Variants in PJA2 observed in about 807,000 individuals in gnomAD.
PJA2 encodes the protein praja ring finger ubiquitin ligase 2, also known as E3 ubiquitin-protein ligase Praja-2.
A neutral mutation model predicts 69.3 loss-of-function variants in PJA2; 25 were observed. The observed-to-expected ratio is 0.36, with a 90% confidence interval of 0.26 to 0.50. The LOEUF (loss-of-function observed/expected upper bound fraction) is 0.50, where lower values mean the gene tolerates loss of function less well. Ranked by LOEUF, PJA2 falls within the 20% of genes least tolerant of loss-of-function variation. PJA2 has a pLI of 0.96. For synonymous variants in PJA2, 308 were observed against 277.8 expected (o/e 1.11, Z -1.08); for missense variants, 809 against 830.2 (o/e 0.97, Z 0.31).
At chr5:109,400,553 T>C (rs1747518860) in intron 1 of PJA2, among the ~76,000 whole-genome samples, 1 of 151,960 alleles carries the variant, frequency 6.6e-6, no homozygotes, top group Non-Finnish European at 1.5e-5. Context: ...GCTGTGAATT[T>C]TTCATACATT....
intron 1 of PJA2, among the ~76,000 whole-genome samples, chr5:109,392,771 C>T (rs566532536): frequency 7.3e-4 from 111 of 152,222 alleles, no homozygotes; most frequent in African/African-American, 2.6e-3. Flanking sequence ...GGACAAGATA[C>T]GTTTTTTCAC....
At chr5:109,405,744 G>A (rs1182441500) in intron 1 of PJA2, among the ~76,000 whole-genome samples, 1 of 152,076 alleles carries the variant, frequency 6.6e-6, no homozygotes, top group Admixed American at 6.5e-5. Context: ...ACCCAAAATG[G>A]ATAATGTGCC....
chr5:109,359,761 T>G (rs1375543091), intron 6 of PJA2, among the ~76,000 whole-genome samples: 1 of 152,198 alleles, frequency 6.6e-6, no homozygotes, highest in Non-Finnish European at 1.5e-5. Flanking sequence ...AAAAAATTTC[T>G]CTAACAGCAC....
rs557988241 is a variant in PJA2, at chr5:109,378,630, G to A, written c.857C>T (p.Ala286Val). 3.7e-6 allele frequency: 6 copies of A among 1,614,114 alleles called. No homozygotes were observed. The African/African-American group carries it at 8.0e-5, about 22-fold the overall frequency. The change falls in exon 4 of 10, where the codon GCA becomes GTA. Residue 286 changes from alanine (A) to valine (V), a missense_variant. Physicochemically the swap from Ala to Val is moderately conservative, Grantham distance 64 (BLOSUM62 0). Coordinates refer to ENST00000361189, the MANE Select transcript of PJA2 (RefSeq NM_014819.5). ...ACAAATATGCCCTGGACCACAGGCT[G>A]CATCTTCAGGTGAATGTTCTGTCTG... ...ERQTEHSPEDAACGPGHICSE... is the reference protein window; with the variant it reads ...ERQTEHSPEDVACGPGHICSE...
intron 1 of PJA2, among the ~76,000 whole-genome samples, chr5:109,398,748 C>T (rs1304833529): frequency 1.3e-5 from 2 of 151,384 alleles, no homozygotes; most frequent in East Asian, 3.9e-4. Context: ...GCACATTGTG[C>T]ACATGTACCC....
At chr5:109,338,211 G>GA (rs1374546385) in intron 9 of PJA2, among the ~76,000 whole-genome samples, 4 of 152,030 alleles carry the variant, frequency 2.6e-5, no homozygotes, top group East Asian at 1.9e-4. Flanking sequence ...ATTCTCCCCA[G>GA]AAAAAAAGCA....
intron 5 of PJA2, among the ~76,000 whole-genome samples, chr5:109,367,172 T>G (rs1762598622): frequency 6.7e-6 from 1 of 148,198 alleles, no homozygotes; most frequent in African/African-American, 2.5e-5. Flanking sequence ...ATATCTATGA[T>G]GTATATTTAT....
chr5:109,403,798 G>A (rs545239674), intron 1 of PJA2, among the ~76,000 whole-genome samples: 16 of 149,976 alleles, frequency 1.1e-4, no homozygotes, highest in East Asian at 7.8e-4. Flanking sequence ...TCTGCCAGGC[G>A]CAGTGGCTCA....
intron 7 of PJA2, among the ~76,000 whole-genome samples, chr5:109,351,249 GAAC>G (rs938517416): frequency 6.6e-6 from 1 of 151,536 alleles, no homozygotes; most frequent in African/African-American, 2.4e-5. Flanking sequence ...TTATTTAGGT[GAAC>G]AACGTTTTTC....
intron 1 of PJA2, among the ~76,000 whole-genome samples, chr5:109,408,381 A>G (rs114638797): frequency 0.01 from 1,558 of 152,360 alleles, 29 homozygotes; most frequent in African/African-American, 0.035. Context: ...AGGGAATAGA[A>G]TAAATTATAG....
rs565737553 is a variant in PJA2, at chr5:109,337,374, G to T, written c.2002-18C>A. 15 of 1,571,984 alleles carry T rather than the reference G, an allele frequency of 9.5e-6. No individual in the cohort carries two copies. The South Asian group carries it at 1.5e-4, about 16-fold the overall frequency. ...GTTCCCGACTGGAGAAAAAAAAAAT[G>T]TTAAGAGCCACCAGAATCATCTTAA... On this transcript the variant is annotated intron_variant, in intron 9 of 9. Transcript: ENST00000361189.
At position 109,344,697 on chromosome 5, in the gene PJA2, G is replaced by A. The variant is rs994350583; in HGVS notation, c.1879+8C>T. On this transcript the variant is annotated splice_region_variant and intron_variant, in intron 8 of 9. Transcript: ENST00000361189. ...TTCTTCAACATTTGAGATCAACTTT[G>A]CCCTTACCAGTGTGATCTTCAAGAA... 3 of 1,571,266 alleles carry A rather than the reference G, an allele frequency of 1.9e-6. No homozygotes were observed. Among genetic ancestry groups the A allele is most frequent in the African/African-American group, 2.7e-5 (2 of 74,014 alleles).
chr5:109,385,447 G>T (rs1313852671), intron 1 of PJA2, among the ~76,000 whole-genome samples: 1 of 152,202 alleles, frequency 6.6e-6, no homozygotes, highest in Non-Finnish European at 1.5e-5. Flanking sequence ...GGGAAAAATG[G>T]AGTAAATTTC....
At chr5:109,391,536 C>A (rs1747282529) in intron 1 of PJA2, among the ~76,000 whole-genome samples, 1 of 151,172 alleles carries the variant, frequency 6.6e-6, no homozygotes, top group South Asian at 2.1e-4. Context: ...CTATTGTTTC[C>A]TGGCTTCCAC....
At chr5:109,387,980 G>C (rs1747197783) in intron 1 of PJA2, among the ~76,000 whole-genome samples, 1 of 152,202 alleles carries the variant, frequency 6.6e-6, no homozygotes, top group Non-Finnish European at 1.5e-5. Flanking sequence ...AGAGGGCTAA[G>C]TATTTGGGCA....
intron 1 of PJA2, among the ~76,000 whole-genome samples, chr5:109,394,638 C>A (rs1426763273): frequency 6.6e-6 from 1 of 152,068 alleles, no homozygotes; most frequent in African/African-American, 2.4e-5. Context: ...CCACTGAAAA[C>A]TAGGCTGTCT....
chr5:109,338,633 T>A (rs1254812981), intron 9 of PJA2, among the ~76,000 whole-genome samples: 2 of 90,996 alleles, frequency 2.2e-5, no homozygotes, highest in South Asian at 3.2e-4. Flanking sequence ...TGAAACTCCG[T>A]CTCAAAAAAA....
chr5:109,408,818 A>T (rs908094428), intron 1 of PJA2, among the ~76,000 whole-genome samples: 1 of 152,266 alleles, frequency 6.6e-6, no homozygotes, highest in Non-Finnish European at 1.5e-5. Flanking sequence ...AACGTTTATT[A>T]CTGTTATCCT....
rs34455151 is a variant in PJA2, at chr5:109,378,984, T to C, written c.503A>G (p.Tyr168Cys). The stretch of plus-strand genomic sequence containing the variant: ...TTCTCCATGTTTGCCATCTGGATCA[T>C]AAGAGTCTGTATGAACCAATGCAAT... The part of the protein sequence containing the change: ...NGIALVHTDS[Y>C]DPDGKHGEDN... Residue 168 changes from tyrosine to cysteine, a missense_variant, in exon 4 of 10, where the codon TAT becomes TGT. Transcript: ENST00000361189. 300 of 1,614,180 alleles carry C rather than the reference T, an allele frequency of 1.9e-4. 4 individuals are homozygous for C. In the African/African-American group the frequency reaches 3.5e-3, roughly 19 times the overall value.
Sources: gnomAD v4.1 joint callset for allele counts (sites outside exome capture counted in the v4.1 genomes callset) on GRCh38, gnomAD v4.1.1 for gene constraint, MANE v1.5 for transcripts, NCBI Gene and HGNC (gene_info 2026-07-23, HGNC 2026-07-21) for gene names.